The following SMC6 variants were observed in gnomAD, a reference collection of about 807,000 sequenced individuals.
SMC6 encodes the protein structural maintenance of chromosomes protein 6.
Under a neutral mutation model 142.2 loss-of-function variants are expected in SMC6, and 79 were observed. The ratio of observed to expected loss-of-function variants is 0.56; its 90% CI spans 0.46 to 0.67. SMC6 has a LOEUF of 0.67. Ranked by LOEUF, SMC6 falls within the 30% of genes least tolerant of loss-of-function variation. The pLI is 0.00. For synonymous variants in SMC6, 411 were observed against 412.4 expected, an observed-to-expected ratio of 1.00 and a Z score of 0.04; for missense variants, 1,072 against 1,284.0, an observed-to-expected ratio of 0.83 and a Z score of 2.52.
intron 7 of SMC6, among the ~76,000 whole-genome samples, chr2:17,729,939 C>T (rs1196269568): frequency 6.6e-6 from 1 of 152,166 alleles, no homozygotes; most frequent in Non-Finnish European, 1.5e-5. Context: ...AAGTTCTGTA[C>T]CCTCTGTTCT....
chr2:17,709,534 C>A (rs1313820972), intron 16 of SMC6, among the ~76,000 whole-genome samples: 1 of 152,126 alleles, frequency 6.6e-6, no homozygotes, highest in Non-Finnish European at 1.5e-5. Flanking sequence ...TTTCCTAGTC[C>A]TAGAATTCCA....
At chr2:17,716,675 A>G in intron 14 of SMC6, 66 bp downstream of exon 14, 5 of 1,486,180 alleles carry the variant, frequency 3.4e-6, no homozygotes, top group Non-Finnish European at 4.6e-6. Context: ...CTCTCTTCAT[A>G]CAAGAACAAA....
chr2:17,738,870 A>G (rs1670289561), intron 4 of SMC6, among the ~76,000 whole-genome samples: 2 of 151,990 alleles, frequency 1.3e-5, no homozygotes, highest in African/African-American at 4.8e-5. Context: ...GTGGTCTCAA[A>G]TTCCTGGTTC....
At chr2:17,725,396 T>C in intron 8 of SMC6, 38 bp from the exon 9 acceptor site, 2 of 1,410,348 alleles carry the variant, frequency 1.4e-6, no homozygotes, top group Non-Finnish European at 1.9e-6. Flanking sequence ...ATTAGGAGTT[T>C]GTAAACTTCC....
At chr2:17,671,771 G>T (rs10206165) in intron 25 of SMC6, among the ~76,000 whole-genome samples, 19 of 151,458 alleles carry the variant, frequency 1.3e-4, no homozygotes, top group Non-Finnish European at 2.2e-4. Flanking sequence ...CAATAAGAAA[G>T]CAACTAATAA....
chr2:17,723,576 T>C (rs117065084), intron 9 of SMC6, among the ~76,000 whole-genome samples: 1,949 of 152,272 alleles, frequency 0.013, 24 homozygotes, highest in East Asian at 0.031. Context: ...AGTTTTCTTC[T>C]TAGGCATCAC....
intron 18 of SMC6, among the ~76,000 whole-genome samples, chr2:17,703,667 C>A (rs1558347373): frequency 6.6e-6 from 1 of 151,974 alleles, no homozygotes; most frequent in Non-Finnish European, 1.5e-5. Context: ...AGGATAAAGA[C>A]CTTAATGATG....
intron 3 of SMC6, 100 bp downstream of exon 3, chr2:17,745,727 A>G: frequency 1.6e-6 from 2 of 1,281,134 alleles, no homozygotes; most frequent in Non-Finnish European, 2.1e-6. Context: ...TTAAAAAATC[A>G]TATTACTTTT....
intron 27 of SMC6, 39 bp downstream of exon 27, chr2:17,666,379 TTA>T: frequency 7.3e-7 from 1 of 1,378,804 alleles, no homozygotes; most frequent in Non-Finnish European, 1.0e-6. Flanking sequence ...TTTCCCCCTT[TTA>T]TATACTTGAT....
chr2:17,665,589 T>C lies in SMC6; in HGVS notation c.3186A>G (p.Ile1062Met). 6.2e-7 allele frequency: 1 copy of C among 1,610,534 alleles called. No homozygotes were observed. The highest frequency in any genetic ancestry group is 8.5e-7 in the Non-Finnish European group (1 of 1,178,084). The change falls in exon 28 of 28, where the codon ATA (isoleucine) becomes ATG (methionine). Residue 1062 changes from isoleucine to methionine, a missense_variant. Coordinates refer to ENST00000448223, the MANE Select transcript of SMC6 (RefSeq NM_001142286.2). ...SMSSLPSSKLIRILRMSDPER... is the reference protein window; with the variant it reads ...SMSSLPSSKLMRILRMSDPER... ...CAGGATCAGACATTCGGAGAATTCT[T>C]ATCAGTTTACTGGATGGAAGTGAAC...
intron 4 of SMC6, among the ~76,000 whole-genome samples, chr2:17,738,629 T>G (rs1670275778): frequency 6.6e-6 from 1 of 152,244 alleles, no homozygotes; most frequent in African/African-American, 2.4e-5. Flanking sequence ...TTGTACCACC[T>G]TGGCCTATCA....
intron 21 of SMC6, 40 bp from the exon 22 acceptor site, chr2:17,696,466 A>G (rs748084758): frequency 6.3e-7 from 1 of 1,588,230 alleles, no homozygotes; most frequent in Admixed American, 1.9e-5. Flanking sequence ...GTTTTAAAAA[A>G]ATTTCCAGCA....
At chr2:17,710,511 A>G (rs1668776481) in intron 16 of SMC6, among the ~76,000 whole-genome samples, 1 of 152,210 alleles carries the variant, frequency 6.6e-6, no homozygotes, top group African/African-American at 2.4e-5. Flanking sequence ...TCACCTAGGG[A>G]GAAGTGCATA....
intron 3 of SMC6, 92 bp from the exon 4 acceptor site, chr2:17,741,821 T>C (rs1301708312): frequency 4.1e-6 from 3 of 728,666 alleles, no homozygotes; most frequent in Admixed American, 5.5e-5. Context: ...ACTAGCACCA[T>C]CACCAATGAA....
At chr2:17,665,678 A>G (rs1666465124) in intron 27 of SMC6, 65 bp from the exon 28 acceptor site, 1 of 910,110 alleles carries the variant, frequency 1.1e-6, no homozygotes, top group Non-Finnish European at 1.7e-6. Context: ...AAAAAATTCT[A>G]ATATTACCTC....
chr2:17,719,069 G>A (rs1025898587), intron 11 of SMC6, among the ~76,000 whole-genome samples: 5 of 152,210 alleles, frequency 3.3e-5, no homozygotes, highest in Non-Finnish European at 5.9e-5. Flanking sequence ...TATTTCGATC[G>A]GGGTCAGCAA....
intron 5 of SMC6, among the ~76,000 whole-genome samples, chr2:17,737,673 T>G (rs1670223399): frequency 6.6e-6 from 1 of 152,188 alleles, no homozygotes; most frequent in Admixed American, 6.5e-5. Flanking sequence ...GGGTCTGGGA[T>G]AGACTAAAAA....
At chr2:17,708,601 C>T in intron 17 of SMC6, 38 bp downstream of exon 17, 1 of 1,113,076 alleles carries the variant, frequency 9.0e-7, no homozygotes, top group Non-Finnish European at 1.2e-6. Context: ...AAAAATTTAA[C>T]AATAACATCA....
At chr2:17,678,995 A>G (rs771356428) in intron 24 of SMC6, 31 bp from the exon 25 acceptor site, 3 of 1,488,968 alleles carry the variant, frequency 2.0e-6, no homozygotes, top group Non-Finnish European at 2.8e-6. Context: ...CACATTAAAA[A>G]GAGGGCAAAG....
Sources: allele counts gnomAD v4.1 joint callset (sites outside exome capture counted in the v4.1 genomes callset), GRCh38; gene constraint gnomAD v4.1.1; transcripts MANE v1.5; gene names NCBI Gene and HGNC (gene_info 2026-07-23, HGNC 2026-07-21).